The following PCDHGB1 variants were observed in gnomAD, a reference collection of about 807,000 sequenced individuals.
PCDHGB1 encodes the protein protocadherin gamma-B1.
PCDHGB1 carries 34 observed loss-of-function variants against 56.6 expected under a neutral mutation model. That is an observed-to-expected ratio of 0.60 (90% CI 0.46 to 0.80). The LOEUF (loss-of-function observed/expected upper bound fraction) is 0.80, where lower values mean the gene tolerates loss of function less well. Ranked by LOEUF, PCDHGB1 falls within the 30% of genes least tolerant of loss-of-function variation. The pLI is 0.00. For missense variants in PCDHGB1, 1,278 were observed against 1,204.6 expected, an observed-to-expected ratio of 1.06 and a Z score of -0.90; for synonymous variants, 561 against 505.9, an observed-to-expected ratio of 1.11 and a Z score of -1.46.
chr5:141,360,046 C>T, intron 1 of PCDHGB1: 1 of 1,430,464 alleles, frequency 7.0e-7, no homozygotes, highest in Non-Finnish European at 9.2e-7. Context: ...AAACAGAAAA[C>T]AAAAGCAGGA....
intron 1 of PCDHGB1, among the ~76,000 whole-genome samples, chr5:141,492,798 C>T (rs1219815576): frequency 6.6e-6 from 1 of 152,250 alleles, no homozygotes; most frequent in Non-Finnish European, 1.5e-5. Flanking sequence ...GACAGCAGGA[C>T]TGGGACTCCA....
chr5:141,390,464 T>C (rs2092153361), intron 1 of PCDHGB1: 3 of 718,912 alleles, frequency 4.2e-6, no homozygotes, highest in Admixed American at 3.0e-5. Flanking sequence ...GTAGGAGCAA[T>C]TGTGTGGCCC....
intron 1 of PCDHGB1, chr5:141,357,751 C>A: frequency 8.8e-7 from 1 of 1,131,678 alleles, no homozygotes; most frequent in Non-Finnish European, 1.2e-6. Context: ...TTAAAGAAAA[C>A]TGGTGGATGA....
chr5:141,475,013 G>C (rs950376592), intron 1 of PCDHGB1, among the ~76,000 whole-genome samples: 1 of 152,176 alleles, frequency 6.6e-6, no homozygotes, highest in Non-Finnish European at 1.5e-5. Flanking sequence ...AAAAGTTAAG[G>C]CTCTTTATTC....
chr5:141,351,408 A>C lies in PCDHGB1; in HGVS notation c.1148A>C (p.Gln383Pro), dbSNP rs754223398. The C allele has an allele frequency of 1.2e-6, 2 of 1,611,512 alleles. No individual in the cohort carries two copies. Among genetic ancestry groups the C allele is most frequent in the South Asian group, 2.2e-5 (2 of 90,706 alleles). Reference sequence around the variant, plus strand: ...AATGGCATGGTGACATGCTATACTCAGGAAGAAGTTCCTTTCAAATTAGAA... The same window carrying C: ...AATGGCATGGTGACATGCTATACTCCGGAAGAAGTTCCTTTCAAATTAGAA... ...GQNGMVTCYTQEEVPFKLEST... is the reference protein window; with the variant it reads ...GQNGMVTCYTPEEVPFKLEST... Residue 383 changes from glutamine (Q) to proline (P), a missense_variant, in exon 1 of 4, where the codon CAG becomes CCG. Coordinates refer to ENST00000523390, the MANE Select transcript of PCDHGB1 (RefSeq NM_018922.3).
chr5:141,410,897 A>G (rs1276742953), intron 1 of PCDHGB1: 1 of 273,412 alleles, frequency 3.7e-6, no homozygotes, highest in African/African-American at 3.4e-5. Flanking sequence ...ACTGTTGCCT[A>G]GGCTGGAGTG....
At chr5:141,420,025 T>A in intron 1 of PCDHGB1, 1 of 1,614,096 alleles carries the variant, frequency 6.2e-7, no homozygotes, top group Non-Finnish European at 8.5e-7. Context: ...TCAGCCCTAC[T>A]GCAGGAGACT....
intron 1 of PCDHGB1, among the ~76,000 whole-genome samples, chr5:141,373,152 A>C (rs1769359529): frequency 6.6e-6 from 1 of 152,250 alleles, no homozygotes; most frequent in Non-Finnish European, 1.5e-5. Context: ...TGGTTTACTT[A>C]GTTTTAATGC....
intron 2 of PCDHGB1, among the ~76,000 whole-genome samples, chr5:141,497,602 C>T (rs948023459): frequency 2.0e-5 from 3 of 148,260 alleles, no homozygotes; most frequent in East Asian, 2.0e-4. Flanking sequence ...TGCAGTGGTG[C>T]GATCTTGGCT....
intron 1 of PCDHGB1, chr5:141,418,787 G>A: frequency 6.2e-7 from 1 of 1,613,794 alleles, no homozygotes; most frequent in Non-Finnish European, 8.5e-7. Context: ...TTTGGATTTT[G>A]AAGAAGTAGA....
At chr5:141,502,483 G>A (rs773081419) in intron 2 of PCDHGB1, among the ~76,000 whole-genome samples, 42 of 152,144 alleles carry the variant, frequency 2.8e-4, no homozygotes, top group Non-Finnish European at 4.7e-4. Context: ...GCATCACACT[G>A]GGACTCATCT....
At chr5:141,422,758 A>G in intron 1 of PCDHGB1, 1 of 1,613,150 alleles carries the variant, frequency 6.2e-7, no homozygotes, top group Non-Finnish European at 8.5e-7. Flanking sequence ...TATTAACTCC[A>G]ACACTGGTGT....
At chr5:141,452,887 C>T (rs1000136303) in intron 1 of PCDHGB1, among the ~76,000 whole-genome samples, 1 of 152,174 alleles carries the variant, frequency 6.6e-6, no homozygotes, top group Non-Finnish European at 1.5e-5. Flanking sequence ...ATAATTTATT[C>T]CACTTTTATT....
chr5:141,477,224 G>C lies in PCDHGB1; in HGVS notation c.2410-17583G>C. 6.2e-7 allele frequency: 1 copy of C among 1,614,200 alleles called. No individual in the cohort carries two copies. The highest frequency in any genetic ancestry group is 8.5e-7 in the Non-Finnish European group (1 of 1,180,046). Reference sequence around the variant, plus strand: ...ACCCGAGGATGCCCCTCTGGGGACTGTCATCGCTTTGCTCAGTGTGACTGA... The same window carrying C: ...ACCCGAGGATGCCCCTCTGGGGACTCTCATCGCTTTGCTCAGTGTGACTGA... On this transcript the variant is annotated intron_variant, in intron 1 of 3. Transcript: ENST00000523390. The surrounding 1 kb of genome is among the most constrained non-coding windows in gnomAD (Gnocchi z 4.9).
In PCDHGB1 at chr5:141,477,500, T is replaced by C. The variant is rs757547508; in HGVS notation, c.2410-17307T>C. The C allele has an allele frequency of 3.1e-6, 5 of 1,614,156 alleles. No homozygotes were observed. Among genetic ancestry groups the C allele is most frequent in the Non-Finnish European group, 4.2e-6 (5 of 1,180,026 alleles). ...CCCTCCACAATCTTCTCAATCTTCC[T>C]ACGACGTTTACATTGAAGAAAACAA... On this transcript the variant is annotated intron_variant, in intron 1 of 3. Coordinates refer to ENST00000523390, the MANE Select transcript of PCDHGB1 (RefSeq NM_018922.3). This position sits in a 1 kb window ranked among gnomAD's most constrained non-coding sequence, Gnocchi z 4.9.
At chr5:141,394,471 T>C (rs2093007845) in intron 1 of PCDHGB1, 3 of 1,614,250 alleles carry the variant, frequency 1.9e-6, no homozygotes, top group Non-Finnish European at 2.5e-6. Flanking sequence ...CTGTTCGTGC[T>C]GGACCAGAAT....
At chr5:141,414,762 T>G in intron 1 of PCDHGB1, 1 of 1,614,210 alleles carries the variant, frequency 6.2e-7, no homozygotes. Context: ...ATGAGCAGTT[T>G]CATGAGCTAC....
intron 1 of PCDHGB1, chr5:141,394,466 C>T (rs765078363): frequency 1.2e-6 from 2 of 1,614,222 alleles, no homozygotes; most frequent in Non-Finnish European, 8.5e-7. Flanking sequence ...TGAGCCTGTT[C>T]GTGCTGGACC....
At chr5:141,355,857 C>A in intron 1 of PCDHGB1, 4 of 1,612,456 alleles carry the variant, frequency 2.5e-6, no homozygotes, top group Non-Finnish European at 3.4e-6. Context: ...ATGGAGGTGA[C>A]CCGGTTCGCT....
Sources: allele counts gnomAD v4.1 joint callset (sites outside exome capture counted in the v4.1 genomes callset), GRCh38; gene constraint gnomAD v4.1.1; non-coding constraint Gnocchi (gnomAD v3.1); transcripts MANE v1.5; gene names NCBI Gene and HGNC (gene_info 2026-07-23, HGNC 2026-07-21).